Variants in KANK1 observed in about 807,000 individuals in gnomAD.
KANK1 encodes the protein KN motif and ankyrin repeat domain-containing protein 1.
Under a neutral mutation model 106.2 loss-of-function variants are expected in KANK1, and 109 were observed. The observed-to-expected ratio is 1.03, with a 90% CI of 0.88 to 1.20. KANK1 has a LOEUF of 1.20. KANK1 is among the 50% of genes most tolerant of loss of function. The probability of loss-of-function intolerance (pLI) is 0.00; values close to 1 mark genes in which losing one functional copy is unlikely to be tolerated. For missense variants in KANK1, 2,399 were observed against 1,710.7 expected (o/e 1.40, Z -7.10); for synonymous variants, 873 against 652.2 (o/e 1.34, Z -5.16).
chr9:696,475 A>C (rs901062952), intron 2 of KANK1, among the ~76,000 whole-genome samples: 2 of 152,152 alleles, frequency 1.3e-5, no homozygotes, highest in African/African-American at 2.4e-5. Context: ...GGGCTTTACA[A>C]AAATGAGGTA....
chr9:646,101 A>G (rs1447260554), intron 1 of KANK1, among the ~76,000 whole-genome samples: 1 of 150,848 alleles, frequency 6.6e-6, no homozygotes, highest in Non-Finnish European at 1.5e-5. Flanking sequence ...AAGTTTCTCT[A>G]AGTTTGTTTA....
At chr9:565,631 C>T (rs1043673856) in intron 1 of KANK1, among the ~76,000 whole-genome samples, 8 of 152,072 alleles carry the variant, frequency 5.3e-5, no homozygotes, top group Admixed American at 5.2e-4. Context: ...GGAAAACAGC[C>T]CTCATTTGCT....
intron 1 of KANK1, among the ~76,000 whole-genome samples, chr9:609,644 A>G (rs1830123836): frequency 2.0e-5 from 3 of 152,274 alleles, no homozygotes; most frequent in African/African-American, 7.2e-5. Context: ...AAATAAATAA[A>G]TAAAATAAAA....
chr9:563,471 A>G (rs1817013736), intron 1 of KANK1, among the ~76,000 whole-genome samples: 1 of 152,226 alleles, frequency 6.6e-6, no homozygotes, highest in Non-Finnish European at 1.5e-5. Flanking sequence ...GACTTCTCTC[A>G]TTGCCACTAG....
At chr9:530,135 C>G (rs1320874058) in intron 1 of KANK1, among the ~76,000 whole-genome samples, 7 of 152,222 alleles carry the variant, frequency 4.6e-5, no homozygotes, top group African/African-American at 1.7e-4. Flanking sequence ...TGACATTATA[C>G]CTAAGGGAAA....
chr9:483,568 T>C (rs536730392), intron 3 of KANK1, among the ~76,000 whole-genome samples: 13 of 152,320 alleles, frequency 8.5e-5, no homozygotes, highest in South Asian at 4.1e-4. Flanking sequence ...CTGTGTACTT[T>C]ATAGCACTGA....
intron 7 of KANK1, among the ~76,000 whole-genome samples, chr9:735,320 CAT>C (rs1228080579): frequency 6.6e-6 from 1 of 152,110 alleles, no homozygotes; most frequent in East Asian, 1.9e-4. Flanking sequence ...TATTTTTAAA[CAT>C]AAAAATAACC....
chr9:682,058 TC>T (rs1274687260), intron 2 of KANK1, among the ~76,000 whole-genome samples: 23 of 152,102 alleles, frequency 1.5e-4, no homozygotes. Context: ...TGCAGGTGGA[TC>T]ACCTGAGGTC....
intron 1 of KANK1, among the ~76,000 whole-genome samples, chr9:631,681 A>T (rs1835781570): frequency 6.6e-6 from 1 of 152,226 alleles, no homozygotes; most frequent in Non-Finnish European, 1.5e-5. Context: ...TCCAAAATAA[A>T]GTCCAACTGT....
At chr9:685,523 C>G (rs1339491714) in intron 2 of KANK1, 1 of 152,206 alleles carries the variant, frequency 6.6e-6, no homozygotes, top group African/African-American at 2.4e-5. Context: ...TCTTTGTACT[C>G]TTACCTTGTT....
At chr9:623,683 C>T (rs1317641390) in intron 1 of KANK1, among the ~76,000 whole-genome samples, 2 of 150,266 alleles carry the variant, frequency 1.3e-5, no homozygotes, top group African/African-American at 4.9e-5. Flanking sequence ...CAAATCAAAA[C>T]CACAATGAGA....
intron 1 of KANK1, among the ~76,000 whole-genome samples, chr9:552,869 C>T (rs1413651195): frequency 1.3e-5 from 2 of 152,180 alleles, no homozygotes; most frequent in East Asian, 1.9e-4. Context: ...TTGTGGCTGG[C>T]CGCAGTGGCT....
chr9:577,703 C>G (rs932465785), intron 1 of KANK1, among the ~76,000 whole-genome samples: 1 of 152,152 alleles, frequency 6.6e-6, no homozygotes, highest in Admixed American at 6.5e-5. Context: ...CAAGTTCCAC[C>G]CCAAACCTCT....
chr9:740,890 G>A lies in KANK1; in HGVS notation c.3652G>A (p.Glu1218Lys). The A allele has an allele frequency of 6.2e-7, 1 of 1,614,196 alleles. No homozygotes were observed. Among genetic ancestry groups the A allele is most frequent in the South Asian group, 1.1e-5 (1 of 91,082 alleles). Residue 1218 changes from glutamate (E) to lysine (K), a missense_variant, in exon 9 of 12, where the codon GAA becomes AAA. Transcript: ENST00000382297. ...VEAEKDMRIV[E>K]ELFGCGDVNA... Reference sequence around the variant, plus strand: ...AGCAGAGAAGGACATGCGGATTGTGGAAGAACTCTTCGGCTGTGGGGATGT... The same window carrying A: ...AGCAGAGAAGGACATGCGGATTGTGAAAGAACTCTTCGGCTGTGGGGATGT...
At position 742,216 on chromosome 9, in the gene KANK1, G is replaced by C; in HGVS notation, c.3708G>C (p.Thr1236=). Reference sequence around the variant, plus strand: ...ATCTCTTCCCATAGGCGGGACAGACGGCCCTCATGCTGGCGGTCAGTCACG... The same window carrying C: ...ATCTCTTCCCATAGGCGGGACAGACCGCCCTCATGCTGGCGGTCAGTCACG... ...VNAKASQAGQ[T]ALMLAVSHGR... is the part of the protein sequence containing the mutation. Residue 1236 remains threonine, a synonymous_variant, in exon 10 of 12, where the codon ACG becomes ACC. Transcript: ENST00000382297. 6.2e-7 allele frequency: 1 copy of C among 1,614,034 alleles called. No individual in the cohort carries two copies.
At chr9:517,191 T>C (rs2059321274) in intron 1 of KANK1, among the ~76,000 whole-genome samples, 1 of 151,722 alleles carries the variant, frequency 6.6e-6, no homozygotes, top group African/African-American at 2.4e-5. Flanking sequence ...CTACTGCAAC[T>C]TCCGACGGTT....
chr9:550,889 T>C (rs2061240920), intron 1 of KANK1, among the ~76,000 whole-genome samples: 1 of 152,146 alleles, frequency 6.6e-6, no homozygotes, highest in African/African-American at 2.4e-5. Flanking sequence ...CAGAATAATT[T>C]CCTGTGATAT....
At chr9:475,698 T>C (rs2058090663) in intron 3 of KANK1, among the ~76,000 whole-genome samples, 1 of 152,168 alleles carries the variant, frequency 6.6e-6, no homozygotes, top group Non-Finnish European at 1.5e-5. Context: ...CCATAACATG[T>C]CTCTTTGGCA....
At chr9:491,933 G>C (rs2058384085) in intron 3 of KANK1, among the ~76,000 whole-genome samples, 1 of 152,196 alleles carries the variant, frequency 6.6e-6, no homozygotes, top group South Asian at 2.1e-4. Context: ...AGTAAGACGT[G>C]AGTTACTTCT....
Sources: gnomAD v4.1 joint callset for allele counts (sites outside exome capture counted in the v4.1 genomes callset) on GRCh38, gnomAD v4.1.1 for gene constraint, MANE v1.5 for transcripts, NCBI Gene and HGNC (gene_info 2026-07-23, HGNC 2026-07-21) for gene names.